MBD5: variants seen among roughly 807,000 people sequenced by gnomAD.
MBD5 encodes the protein methyl-CpG-binding domain protein 5.
MBD5 carries 13 observed loss-of-function variants against 117.3 expected under a neutral mutation model. That is an observed-to-expected ratio of 0.11 (90% CI 0.07 to 0.18). The LOEUF is 0.18. Among genes scored for constraint, MBD5 ranks in the 10% least tolerant of loss-of-function variants. MBD5 has a pLI of 1.00. For synonymous variants in MBD5, 727 were observed against 766.4 expected, an observed-to-expected ratio of 0.95 and a Z score of 0.85; for missense variants, 1,879 against 2,093.8, an observed-to-expected ratio of 0.90 and a Z score of 2.00.
intron 4 of MBD5, among the ~76,000 whole-genome samples, chr2:148,347,857 C>A (rs1000884574): frequency 2.0e-5 from 3 of 151,714 alleles, no homozygotes; most frequent in African/African-American, 7.3e-5. Flanking sequence ...GTACCTAGGG[C>A]CCATAAAAAT....
intron 1 of MBD5, among the ~76,000 whole-genome samples, chr2:148,119,697 A>T (rs1696720937): frequency 6.6e-6 from 1 of 152,046 alleles, no homozygotes; most frequent in African/African-American, 2.4e-5. Context: ...TGAGGAAGTG[A>T]TCCAATATCA....
Position 148,462,414 on chromosome 2 carries a change from T to G in MBD5, c.114-168T>G, listed in dbSNP as rs13402768. 0.14 allele frequency among the ~76,000 whole-genome samples: 20,948 copies of G among 152,234 alleles called. 1,883 individuals carry two copies. Among genetic ancestry groups the G allele is most frequent in the Middle Eastern group, 0.25 (74 of 294 alleles). On this transcript the variant is annotated intron_variant, in intron 5 of 13. Coordinates refer to ENST00000642680, the MANE Select transcript of MBD5 (RefSeq NM_001378120.1). ...TTTTGGTTCAAAAGAAAACACAATATTGTTAAAGGCTATAATTTAGTAGCT... is the reference window on the plus strand; with the variant it reads ...TTTTGGTTCAAAAGAAAACACAATAGTGTTAAAGGCTATAATTTAGTAGCT...
intron 4 of MBD5, among the ~76,000 whole-genome samples, chr2:148,419,012 G>A (rs994221751): frequency 6.6e-6 from 1 of 152,056 alleles, no homozygotes; most frequent in Non-Finnish European, 1.5e-5. Context: ...AAACAGCATG[G>A]TACTGGTATA....
chr2:148,328,660 T>C (rs1310350663), intron 3 of MBD5, among the ~76,000 whole-genome samples: 2 of 152,240 alleles, frequency 1.3e-5, no homozygotes, highest in Non-Finnish European at 2.9e-5. Context: ...CCTGACCCCT[T>C]GCGCTTCCCG....
At chr2:148,346,656 T>C (rs1192995206) in intron 4 of MBD5, 1 of 152,028 alleles carries the variant, frequency 6.6e-6, no homozygotes, top group East Asian at 1.9e-4. Context: ...TGCCAAATTT[T>C]TCTTGTGGAG....
At chr2:148,481,012 T>A (rs182733891) in intron 8 of MBD5, among the ~76,000 whole-genome samples, 1 of 151,708 alleles carries the variant, frequency 6.6e-6, no homozygotes, top group Non-Finnish European at 1.5e-5. Context: ...CTAATGTCAA[T>A]AATGATGATA....
chr2:148,429,429 A>G (rs1270686072), intron 4 of MBD5, among the ~76,000 whole-genome samples: 2 of 152,152 alleles, frequency 1.3e-5, no homozygotes, highest in African/African-American at 4.8e-5. Context: ...ATTGTGGAAG[A>G]GAGTGTGGCA....
intron 3 of MBD5, among the ~76,000 whole-genome samples, chr2:148,303,705 A>T (rs1358191826): frequency 1.3e-5 from 2 of 152,250 alleles, no homozygotes; most frequent in Non-Finnish European, 2.9e-5. Flanking sequence ...GGACAATTTC[A>T]TGTGGTTCAA....
intron 4 of MBD5, among the ~76,000 whole-genome samples, 196 bp downstream of exon 4, chr2:148,342,532 T>A (rs956667817): frequency 3.0e-4 from 45 of 151,862 alleles, no homozygotes; most frequent in Admixed American, 7.2e-4. Context: ...TACTATTTTT[T>A]AAAAAAAAGA....
At chr2:148,487,367 T>C (rs1681371534) in intron 10 of MBD5, among the ~76,000 whole-genome samples, 1 of 151,550 alleles carries the variant, frequency 6.6e-6, no homozygotes, top group Non-Finnish European at 1.5e-5. Context: ...GGAAGGGAGG[T>C]AAGAATGATG....
intron 4 of MBD5, among the ~76,000 whole-genome samples, chr2:148,376,844 AT>A (rs1275760087): frequency 2.2e-5 from 3 of 139,508 alleles, no homozygotes; most frequent in African/African-American, 7.9e-5. Flanking sequence ...CATATATATA[AT>A]TATATATTAT....
chr2:148,472,180 T>A (rs568315079), intron 8 of MBD5: 4 of 152,254 alleles, frequency 2.6e-5, no homozygotes, highest in Admixed American at 2.6e-4. Flanking sequence ...TATTTAATAC[T>A]GTTTTGGTCA....
At chr2:148,132,299 A>G (rs1274134391) in intron 1 of MBD5, among the ~76,000 whole-genome samples, 3 of 146,304 alleles carry the variant, frequency 2.1e-5, no homozygotes, top group Non-Finnish European at 4.5e-5. Context: ...CAAGTCTGCT[A>G]TTGAAAAACA....
intron 3 of MBD5, among the ~76,000 whole-genome samples, chr2:148,314,327 G>A (rs1275104561): frequency 1.3e-5 from 2 of 148,428 alleles, no homozygotes; most frequent in African/African-American, 4.9e-5. Context: ...AAAACAAGAT[G>A]CCAAAAGTTT....
chr2:148,427,132 C>A (rs2105312082), intron 4 of MBD5, among the ~76,000 whole-genome samples: 1 of 152,116 alleles, frequency 6.6e-6, no homozygotes, highest in East Asian at 1.9e-4. Context: ...CAATGGCAAT[C>A]ATTAAAAAGT....
At chr2:148,093,068 C>T (rs761690173) in intron 1 of MBD5, among the ~76,000 whole-genome samples, 12 of 151,960 alleles carry the variant, frequency 7.9e-5, no homozygotes, top group Non-Finnish European at 4.4e-5. Flanking sequence ...CATGCCACCA[C>T]GGCCAGCTGA....
intron 1 of MBD5, among the ~76,000 whole-genome samples, chr2:148,136,363 A>C (rs1230121559): frequency 6.6e-6 from 1 of 152,162 alleles, no homozygotes; most frequent in Admixed American, 6.6e-5. Context: ...TACATAGATA[A>C]GTTAAAATAG....
At chr2:148,152,765 T>C (rs1304870677) in intron 1 of MBD5, among the ~76,000 whole-genome samples, 2 of 151,094 alleles carry the variant, frequency 1.3e-5, no homozygotes, top group Admixed American at 6.6e-5. Context: ...TTGCAACCCC[T>C]GCCTTTTTTT....
At chr2:148,127,572 C>G (rs1696932785) in intron 1 of MBD5, among the ~76,000 whole-genome samples, 2 of 152,146 alleles carry the variant, frequency 1.3e-5, no homozygotes, top group South Asian at 4.1e-4. Flanking sequence ...ATCTTCCTTT[C>G]TACGCCTGCA....
Sources: gnomAD v4.1 joint callset for allele counts (sites outside exome capture counted in the v4.1 genomes callset) on GRCh38, gnomAD v4.1.1 for gene constraint, MANE v1.5 for transcripts, NCBI Gene and HGNC (gene_info 2026-07-23, HGNC 2026-07-21) for gene names.